IRF5: variants seen among roughly 807,000 people sequenced by gnomAD.
The protein encoded by IRF5 is interferon regulatory factor 5.
IRF5 carries 24 observed loss-of-function variants against 55.1 expected under a neutral mutation model. That is an observed-to-expected ratio of 0.44 (90% CI 0.32 to 0.61). IRF5 has a LOEUF of 0.61. Ranked by LOEUF, IRF5 falls within the 20% of genes least tolerant of loss-of-function variation. The pLI, the probability that IRF5 is intolerant of heterozygous loss-of-function variation, is 0.07. For missense variants in IRF5, 499 were observed against 658.5 expected, an observed-to-expected ratio of 0.76 and a Z score of 2.65; for synonymous variants, 258 against 260.2, an observed-to-expected ratio of 0.99 and a Z score of 0.08.
At chr7:128,938,406 C>G (rs985742692) in intron 1 of IRF5, among the ~76,000 whole-genome samples, 1 of 152,232 alleles carries the variant, frequency 6.6e-6, no homozygotes, top group Non-Finnish European at 1.5e-5. Flanking sequence ...CTCCCTCCCC[C>G]TCGCCATCGC....
chr7:128,946,093 G>C lies in IRF5; in HGVS notation c.385+59G>C, dbSNP rs1796286239. On this transcript the variant is annotated intron_variant, in intron 3 of 8. Coordinates refer to ENST00000357234, the MANE Select transcript of IRF5 (RefSeq NM_001098629.3). This position sits in a 1 kb window ranked among gnomAD's most constrained non-coding sequence, Gnocchi z 4.2. Reference sequence around the variant, plus strand: ...AGGCTGTGCAATGTCCTGGCCCCCAGCCATGAGCTCTTGGGTGCAGGCAGG... The same window carrying C: ...AGGCTGTGCAATGTCCTGGCCCCCACCCATGAGCTCTTGGGTGCAGGCAGG... 1.4e-6 allele frequency: 2 copies of C among 1,476,810 alleles called. No homozygotes were observed. The highest frequency in any genetic ancestry group is 1.8e-6 in the Non-Finnish European group (2 of 1,104,478). 91.5% of individuals were successfully genotyped at this position (1,476,810 alleles called of 1,614,324 possible).
At chr7:128,945,415 C>T (rs778896808) in intron 2 of IRF5, among the ~76,000 whole-genome samples, 21 of 152,194 alleles carry the variant, frequency 1.4e-4, no homozygotes, top group Non-Finnish European at 2.6e-4. Flanking sequence ...CAACATCAAC[C>T]CCTTGAGTCT....
chr7:128,948,606 A>C lies in IRF5; in HGVS notation c.1333A>C (p.Met445Leu), dbSNP rs547434560. 1 of 1,614,028 alleles carries C rather than the reference A, an allele frequency of 6.2e-7. No homozygotes were observed. The highest frequency in any genetic ancestry group is 1.1e-5 in the South Asian group (1 of 91,084). ...VPVAARLLLE[M>L]FSGELSWSAD... Reference sequence around the variant, plus strand: ...TGTAGCAGCTCGACTGCTGCTGGAGATGTTCTCAGGGGAGCTATCTTGGTC... The same window carrying C: ...TGTAGCAGCTCGACTGCTGCTGGAGCTGTTCTCAGGGGAGCTATCTTGGTC... The change falls in exon 9 of 9, where the codon ATG becomes CTG. Residue 445 changes from methionine to leucine, a missense_variant. This residue lies in a region of IRF5 where 194 missense variants were observed against 318.3 expected (regional missense o/e 0.61). Transcript: ENST00000357234. The surrounding 1 kb of genome is among the most constrained non-coding windows in gnomAD (Gnocchi z 4.6).
chr7:128,945,642 T>C (rs1796257696), intron 2 of IRF5, among the ~76,000 whole-genome samples: 1 of 152,168 alleles, frequency 6.6e-6, no homozygotes. Context: ...AGCCCCTAGA[T>C]TTCATGTAGC....
chr7:128,947,223 T>C lies in IRF5; in HGVS notation c.482-7T>C. 1 of 1,599,980 alleles carries C rather than the reference T, an allele frequency of 6.3e-7. No homozygotes were observed. Among genetic ancestry groups the C allele is most frequent in the South Asian group, 1.1e-5 (1 of 88,920 alleles). On this transcript the variant is annotated splice_region_variant and splice_polypyrimidine_tract_variant and intron_variant, in intron 5 of 8. Transcript: ENST00000357234. The surrounding 1 kb of genome is among the most constrained non-coding windows in gnomAD (Gnocchi z 6.5). ...CACTGACAGCCGTCCACACGCACTC[T>C]CTGTAGATGCAGTGCAGTCTGGCCC...
In IRF5 at chr7:128,948,924, T is replaced by C; in HGVS notation, c.*106T>C. 7.2e-7 allele frequency: 1 copy of C among 1,388,300 alleles called. No individual in the cohort carries two copies. The highest frequency in any genetic ancestry group is 9.7e-7 in the Non-Finnish European group (1 of 1,032,134). The allele number at this position is 1,388,300 out of a possible 1,614,324, so 86.0% of individuals were successfully genotyped here. A position where few individuals can be genotyped will look rare whatever the true frequency, so the allele number is the denominator to read the frequency against. On this transcript the variant is annotated 3_prime_UTR_variant, in exon 9 of 9. Coordinates refer to ENST00000357234, the MANE Select transcript of IRF5 (RefSeq NM_001098629.3). The surrounding 1 kb of genome is among the most constrained non-coding windows in gnomAD (Gnocchi z 4.6). ...ACCTGGCTGGCTGCAGGGTCCTACCTCTGGGTTTCCTGGAAGTGGATTTGG... is the reference window on the plus strand; with the variant it reads ...ACCTGGCTGGCTGCAGGGTCCTACCCCTGGGTTTCCTGGAAGTGGATTTGG...
In IRF5 at chr7:128,946,479, C is replaced by T; in HGVS notation, c.386-22C>T. 4 of 1,595,144 alleles carry T rather than the reference C, an allele frequency of 2.5e-6. No homozygotes were observed. Among genetic ancestry groups the T allele is most frequent in the Non-Finnish European group, 3.4e-6 (4 of 1,170,856 alleles). On this transcript the variant is annotated intron_variant, in intron 3 of 8. Transcript: ENST00000357234. The surrounding 1 kb of genome is among the most constrained non-coding windows in gnomAD (Gnocchi z 4.2). Reference sequence around the variant, plus strand: ...CGACATTGACTCCTTTACTGCCCTGCTTTTCTCTCCCTGCTGTGCAGACTC... The same window carrying T: ...CGACATTGACTCCTTTACTGCCCTGTTTTTCTCTCCCTGCTGTGCAGACTC...
At chr7:128,945,529 CCCAGCCTGGCT>C (rs1433380071) in intron 2 of IRF5, among the ~76,000 whole-genome samples, 2 of 152,232 alleles carry the variant, frequency 1.3e-5, no homozygotes, top group Non-Finnish European at 2.9e-5. Context: ...CAGATTCAAA[CCCAGCCTGGCT>C]CCAGGGTGCT....
In IRF5 at chr7:128,948,357, T is replaced by C. The variant is rs779112421; in HGVS notation, c.1299+29T>C. ...CATCTCCCCTATCCCAAAGTCGGCC[T>C]TGGCTTGAAAACTGGGGAATCCTGG... is the stretch of plus-strand genomic sequence containing the variant. On this transcript the variant is annotated intron_variant, in intron 8 of 8. Transcript: ENST00000357234. The surrounding 1 kb of genome is among the most constrained non-coding windows in gnomAD (Gnocchi z 4.6). The C allele has an allele frequency of 5.8e-6, 9 of 1,550,900 alleles. No individual in the cohort carries two copies. The highest frequency in any genetic ancestry group is 7.8e-6 in the Non-Finnish European group (9 of 1,148,676).
upstream of IRF5, chr7:128,937,723 C>T (rs1357971243): frequency 1.3e-5 from 2 of 152,390 alleles, no homozygotes; most frequent in Non-Finnish European, 2.9e-5. Context: ...ACAGTTTTGC[C>T]ATTCCAGATT....
In IRF5 at chr7:128,948,958, G is replaced by C; in HGVS notation, c.*140G>C. The C allele has an allele frequency of 9.4e-7, 1 of 1,062,708 alleles. No individual in the cohort carries two copies. Among genetic ancestry groups the C allele is most frequent in the Non-Finnish European group, 1.3e-6 (1 of 753,198 alleles). The allele number at this position is 1,062,708 out of a possible 1,614,324, so 65.8% of individuals were successfully genotyped here. A position where few individuals can be genotyped will look rare whatever the true frequency, so the allele number is the denominator to read the frequency against. ...CCTGGAAGTGGATTTGGGCCAAGAA[G>C]GAGAGGGAGAAAGGCCCGAGCCCCT... On this transcript the variant is annotated 3_prime_UTR_variant, in exon 9 of 9. Coordinates refer to ENST00000357234, the MANE Select transcript of IRF5 (RefSeq NM_001098629.3). The surrounding 1 kb of genome is among the most constrained non-coding windows in gnomAD (Gnocchi z 4.6).
Position 128,948,067 on chromosome 7 carries a change from C to T in IRF5, c.1126C>T (p.Pro376Ser), listed in dbSNP as rs757314255. ...CTCAGCCCATGACTCATGCCCCAAC[C>T]CCATCCAGCGGGAGGTCAAGACCAA... ...CASAHDSCPN[P>S]IQREVKTKLF... Residue 376 changes from proline to serine, a missense_variant, in exon 7 of 9, where the codon CCC becomes TCC. Physicochemically the swap from Pro to Ser is moderately conservative, Grantham distance 74. Around this residue, in one of 2 missense-constraint regions of IRF5, gnomAD observed 194 missense variants for 318.3 expected, o/e 0.61. Transcript: ENST00000357234. The surrounding 1 kb of genome is among the most constrained non-coding windows in gnomAD (Gnocchi z 4.6). 3.1e-6 allele frequency: 5 copies of T among 1,614,082 alleles called. No individual in the cohort carries two copies. The highest frequency in any genetic ancestry group is 1.1e-5 in the South Asian group (1 of 91,086).
intron 2 of IRF5, among the ~76,000 whole-genome samples, chr7:128,944,033 A>G (rs1796177406): frequency 6.6e-6 from 1 of 152,130 alleles, no homozygotes; most frequent in Non-Finnish European, 1.5e-5. Context: ...GCTAGGATGT[A>G]CCTCGCATAA....
At chr7:128,937,601 C>G (rs1234885525), upstream of IRF5, 1 of 152,336 alleles carries the variant, frequency 6.6e-6, no homozygotes, top group Non-Finnish European at 1.5e-5. Flanking sequence ...GTGGGTCGGC[C>G]ACACTGCGCC....
Position 128,947,959 on chromosome 7 carries a change from G to T in IRF5, c.1018G>T (p.Gly340Trp). Residue 340 changes from glycine (G) to tryptophan (W), a missense_variant, in exon 7 of 9, where the codon GGG becomes TGG. Gly to Trp is a radical substitution (Grantham distance 184). Coordinates refer to ENST00000357234, the MANE Select transcript of IRF5 (RefSeq NM_001098629.3). The surrounding 1 kb of genome is among the most constrained non-coding windows in gnomAD (Gnocchi z 6.5). ...TNQLLDVLDR[G>W]LILQLQGQDL... ...CCAGCTGCTGGATGTCCTGGACCGC[G>T]GGCTCATCCTCCAGCTACAGGGCCA... 1 of 1,614,110 alleles carries T rather than the reference G, an allele frequency of 6.2e-7. No homozygotes were observed. Among genetic ancestry groups the T allele is most frequent in the Non-Finnish European group, 8.5e-7 (1 of 1,180,014 alleles).
intron 1 of IRF5, 22 bp from the exon 2 acceptor site, chr7:128,942,049 C>A (rs1331907965): frequency 6.4e-7 from 1 of 1,564,626 alleles, no homozygotes; most frequent in African/African-American, 1.4e-5. Flanking sequence ...TGCTGAGGCT[C>A]CCCTCTGGCT....
intron 2 of IRF5, among the ~76,000 whole-genome samples, chr7:128,943,465 A>T (rs1234915508): frequency 6.7e-6 from 1 of 149,460 alleles, no homozygotes; most frequent in African/African-American, 2.5e-5. Flanking sequence ...ACAACCTCCA[A>T]CTCAGCTCAA....
Position 128,947,250 on chromosome 7 carries a change from C to G in IRF5, c.502C>G (p.His168Asp). The change falls in exon 6 of 9, where the codon CAC becomes GAC. Residue 168 changes from histidine to aspartate, a missense_variant. This residue lies in a region of IRF5 where 305 missense variants were observed against 340.2 expected (regional missense o/e 0.90). Transcript: ENST00000357234. This position sits in a 1 kb window ranked among gnomAD's most constrained non-coding sequence, Gnocchi z 6.5. The stretch of plus-strand genomic sequence containing the variant: ...TGTAGATGCAGTGCAGTCTGGCCCC[C>G]ACATGACACCCTATTCTTTACTCAA... ...SLTDAVQSGP[H>D]MTPYSLLKED... 1 of 1,607,766 alleles carries G rather than the reference C, an allele frequency of 6.2e-7. No homozygotes were observed. The highest frequency in any genetic ancestry group is 1.7e-5 in the Admixed American group (1 of 59,528).
intron 2 of IRF5, among the ~76,000 whole-genome samples, chr7:128,943,569 CT>C (rs1796146661): frequency 7.5e-6 from 1 of 133,568 alleles, no homozygotes; most frequent in Non-Finnish European, 1.6e-5. Flanking sequence ...GAGATGGAGT[CT>C]TGCTTTTTCA....
Sources: gnomAD v4.1 joint callset for allele counts (sites outside exome capture counted in the v4.1 genomes callset) on GRCh38, gnomAD v4.1.1 for gene constraint, gnomAD v4.1.1 regional missense constraint, Gnocchi (gnomAD v3.1) non-coding constraint, MANE v1.5 for transcripts, NCBI Gene and HGNC (gene_info 2026-07-23, HGNC 2026-07-21) for gene names.